Variants in HAL observed in about 807,000 individuals in gnomAD.
HAL encodes the protein histidase.
Under a neutral mutation model 81.1 loss-of-function variants are expected in HAL, and 85 were observed. The ratio of observed to expected loss-of-function variants is 1.05; its 90% CI spans 0.88 to 1.25. The LOEUF is 1.25. Among genes scored for constraint, HAL ranks in the 50% most tolerant of loss-of-function variants. The pLI, the probability that HAL is intolerant of heterozygous loss-of-function variation, is 0.00. For missense variants in HAL, 798 were observed against 836.6 expected, an observed-to-expected ratio of 0.95 and a Z score of 0.57; for synonymous variants, 301 against 309.2, an observed-to-expected ratio of 0.97 and a Z score of 0.28.
rs1255533744 is a variant in HAL at position 95,973,536 on chromosome 12, A to G, written c.*696T>C. 6.6e-6 allele frequency: 1 copy of G among 152,422 alleles called. No homozygotes were observed. The highest frequency in any genetic ancestry group is 1.5e-5 in the Non-Finnish European group (1 of 68,210). 9.4% of individuals were successfully genotyped at this position (152,422 alleles called of 1,614,324 possible). ...CATTTGGGGGATACGTGTAGTGATAAGTACAAAATACACAGTTTAATAAGA... is the reference window on the plus strand; with the variant it reads ...CATTTGGGGGATACGTGTAGTGATAGGTACAAAATACACAGTTTAATAAGA... On this transcript the variant is annotated 3_prime_UTR_variant, in exon 21 of 21. Transcript: ENST00000261208.
At chr12:95,975,098 C>T (rs2080700047) in intron 20 of HAL, among the ~76,000 whole-genome samples, 1 of 152,222 alleles carries the variant, frequency 6.6e-6, no homozygotes, top group Admixed American at 6.5e-5. Context: ...AATTGTATTT[C>T]CCTATTGCCT....
chr12:95,994,962 G>C lies in HAL; in HGVS notation c.279C>G (p.Phe93Leu). Residue 93 changes from phenylalanine (F) to leucine (L), a missense_variant, in exon 3 of 21, where the codon TTC (phenylalanine) becomes TTG (leucine). By Grantham distance (22) the Phe-to-Leu change is conservative. Coordinates refer to ENST00000261208, the MANE Select transcript of HAL (RefSeq NM_002108.4). ...VIEGDAMSPD[F>L]IPSQPEGVYL... is the part of the protein sequence containing the mutation. ...AAACTCCTTCTGGTTGAGATGGAATGAAGTCAGGAGACATGGCATCACCCT... is the reference window on the plus strand; with the variant it reads ...AAACTCCTTCTGGTTGAGATGGAATCAAGTCAGGAGACATGGCATCACCCT... 6.2e-7 allele frequency: 1 copy of C among 1,612,666 alleles called. No homozygotes were observed.
intron 2 of HAL, 76 bp downstream of exon 2, chr12:95,995,588 G>C: frequency 6.3e-7 from 1 of 1,588,504 alleles, no homozygotes; most frequent in Non-Finnish European, 8.6e-7. Context: ...TTTTCCCTGA[G>C]GTGGGGGTTC....
At chr12:95,978,115 A>G (rs1220142846) in intron 17 of HAL, 37 bp from the exon 18 acceptor site, 12 of 1,579,642 alleles carry the variant, frequency 7.6e-6, no homozygotes, top group Non-Finnish European at 1.0e-5. Context: ...AGTGCTCCTC[A>G]CAGGATGAGC....
At chr12:95,979,756 C>A (rs1592838686) in intron 17 of HAL, among the ~76,000 whole-genome samples, 1 of 152,274 alleles carries the variant, frequency 6.6e-6, no homozygotes, top group Middle Eastern at 3.4e-3. Flanking sequence ...AAAATGAGAT[C>A]CTCATTAATT....
chr12:95,990,419 T>A lies in HAL; in HGVS notation c.829A>T (p.Lys277Ter). The A allele has an allele frequency of 6.2e-7, 1 of 1,613,688 alleles. No homozygotes were observed. Among genetic ancestry groups the A allele is most frequent in the African/African-American group, 1.3e-5 (1 of 75,028 alleles). Residue 277 changes from lysine (K) to a stop codon, truncating the protein, a stop_gained, in exon 10 of 21, where the codon AAG becomes TAG. Coordinates refer to ENST00000261208, the MANE Select transcript of HAL (RefSeq NM_002108.4). LOFTEE classifies it high-confidence loss of function. ...TATTTAGCATCAGCCCAGCCACTCT[T>A]CGGAGACCACATCTTCCCTTCTCCA... ...LVGEGKMWSP[K>*]SGWADAKYVL...
Position 95,994,082 on chromosome 12 carries a change from C to T in HAL, c.411+8G>A. The T allele has an allele frequency of 6.2e-7, 1 of 1,610,326 alleles. No individual in the cohort carries two copies. Among genetic ancestry groups the T allele is most frequent in the South Asian group, 1.1e-5 (1 of 90,992 alleles). On this transcript the variant is annotated splice_region_variant and intron_variant, in intron 5 of 20. Transcript: ENST00000261208. ...GCCAGAGGACATCTTTCCCCTCCCT[C>T]CCCATACCTTTATTTTGTAGCGTCC...
intron 9 of HAL, among the ~76,000 whole-genome samples, chr12:95,991,890 C>T (rs968951142): frequency 6.6e-6 from 1 of 152,350 alleles, no homozygotes; most frequent in South Asian, 2.1e-4. Context: ...ATTGAAATTG[C>T]TCTCCACTCA....
In HAL at chr12:95,993,523, T is replaced by C. The variant is rs772394023; in HGVS notation, c.552-35A>G. On this transcript the variant is annotated intron_variant, in intron 7 of 20. Transcript: ENST00000261208. ...AAAGGTAAAAACCCTCTTAGATACATTGCAGTGAGAAAATGTTCCCTCAGC... is the reference window on the plus strand; with the variant it reads ...AAAGGTAAAAACCCTCTTAGATACACTGCAGTGAGAAAATGTTCCCTCAGC... The C allele has an allele frequency of 5.1e-5, 71 of 1,401,360 alleles. 1 individual carries two copies. The highest frequency in any genetic ancestry group is 8.5e-5 in the African/African-American group (6 of 70,822). The allele number at this position is 1,401,360 out of a possible 1,614,324, so 86.8% of individuals were successfully genotyped here. A position where few individuals can be genotyped will look rare whatever the true frequency, so the allele number is the denominator to read the frequency against.
intron 15 of HAL, among the ~76,000 whole-genome samples, chr12:95,981,849 A>C (rs17024935): frequency 0.08 from 12,112 of 152,288 alleles, 761 homozygotes; most frequent in East Asian, 0.32. Context: ...GGTTCTAAAG[A>C]GCTAATCTTT....
chr12:95,990,767 G>C (rs941659337), intron 9 of HAL, among the ~76,000 whole-genome samples: 6 of 152,134 alleles, frequency 3.9e-5, no homozygotes, highest in African/African-American at 1.4e-4. Flanking sequence ...AAGAGAGAAA[G>C]GTAAAGAGGA....
intron 18 of HAL, 102 bp downstream of exon 18, chr12:95,977,842 T>C (rs960353712): frequency 6.3e-6 from 8 of 1,274,916 alleles, no homozygotes; most frequent in African/African-American, 1.5e-5. Context: ...TCCTAACAAG[T>C]TTCCAGGTGA....
Position 95,976,454 on chromosome 12 carries a change from G to C in HAL, c.1808C>G (p.Ala603Gly), listed in dbSNP as rs116249246. ...DRFMAPDIEA[A>G]HRLLLEQKVW... is the part of the protein sequence containing the mutation. ...CTTCTGCTCCAGGAGCAGCCTGTGG[G>C]CTGCCTCGATGTCCGGGGCCATGAA... is the stretch of plus-strand genomic sequence containing the variant. The change falls in exon 20 of 21, where the codon GCC becomes GGC. Residue 603 changes from alanine (A) to glycine (G), a missense_variant. Physicochemically the swap from Ala to Gly is moderately conservative, Grantham distance 60. Coordinates refer to ENST00000261208, the MANE Select transcript of HAL (RefSeq NM_002108.4). 124 of 1,613,992 alleles carry C rather than the reference G, an allele frequency of 7.7e-5. No individual in the cohort carries two copies. In the African/African-American group the frequency reaches 1.6e-3, roughly 21 times the overall value.
In HAL at chr12:95,973,011, T is replaced by C. The variant is rs552780490; in HGVS notation, c.*1221A>G. 3 of 152,326 alleles carry C rather than the reference T, an allele frequency of 2.0e-5. No individual in the cohort carries two copies. Among genetic ancestry groups the C allele is most frequent in the African/African-American group, 7.2e-5 (3 of 41,560 alleles). 9.4% of individuals were successfully genotyped at this position (152,326 alleles called of 1,614,324 possible). On this transcript the variant is annotated 3_prime_UTR_variant, in exon 21 of 21. Coordinates refer to ENST00000261208, the MANE Select transcript of HAL (RefSeq NM_002108.4). The stretch of plus-strand genomic sequence containing the variant: ...CTGTGTGCAGCAGTTTTCACTTCAG[T>C]TTCCACCTGACAGGTTGTAAATCTA...
chr12:95,991,897 C>T (rs567177464), intron 9 of HAL, among the ~76,000 whole-genome samples: 1 of 152,232 alleles, frequency 6.6e-6, no homozygotes, highest in Non-Finnish European at 1.5e-5. Flanking sequence ...TTGCTCTCCA[C>T]TCATTGGCAG....
At chr12:95,979,779 C>T (rs536935875) in intron 17 of HAL, among the ~76,000 whole-genome samples, 1 of 152,322 alleles carries the variant, frequency 6.6e-6, no homozygotes, top group African/African-American at 2.4e-5. Flanking sequence ...AGTAAAAGCA[C>T]ATTTTTGCAT....
intron 15 of HAL, among the ~76,000 whole-genome samples, chr12:95,982,607 T>A (rs1165200847): frequency 5.9e-5 from 9 of 152,082 alleles, no homozygotes; most frequent in Non-Finnish European, 1.3e-4. Context: ...TTCTGAGGCT[T>A]ATTTAGTGTG....
intron 9 of HAL, 108 bp from the exon 10 acceptor site, chr12:95,990,640 CTAT>C (rs1266550391): frequency 1.1e-6 from 1 of 870,662 alleles, no homozygotes; most frequent in African/African-American, 1.6e-5. Context: ...CCTCCAATAT[CTAT>C]CACTTTATGG....
At position 95,980,436 on chromosome 12, in the gene HAL, G is replaced by T. The variant is rs999322211; in HGVS notation, c.1519+120C>A. On this transcript the variant is annotated intron_variant, in intron 17 of 20. Transcript: ENST00000261208. ...ACCTTTGCACTGAGAGAACTAGGAT[G>T]CAGATAAAAGTGGTGAAAAGTTAGA... 6 of 890,010 alleles carry T rather than the reference G, an allele frequency of 6.7e-6. No individual in the cohort carries two copies. In the Admixed American group the frequency reaches 9.3e-5, roughly 14 times the overall value. The allele number at this position is 890,010 out of a possible 1,614,324, so 55.1% of individuals were successfully genotyped here. A position where few individuals can be genotyped will look rare whatever the true frequency, so the allele number is the denominator to read the frequency against.
Sources: allele counts gnomAD v4.1 joint callset (sites outside exome capture counted in the v4.1 genomes callset), GRCh38; gene constraint gnomAD v4.1.1; transcripts MANE v1.5; gene names NCBI Gene and HGNC (gene_info 2026-07-23, HGNC 2026-07-21).